The following RPS6KC1 variants were observed in gnomAD, a reference collection of about 807,000 sequenced individuals.
RPS6KC1 encodes the protein ribosomal protein S6 kinase C1.
A neutral mutation model predicts 103.8 loss-of-function variants in RPS6KC1; 54 were observed. The observed-to-expected ratio is 0.52, with a 90% CI of 0.42 to 0.65. The LOEUF (loss-of-function observed/expected upper bound fraction) is 0.65, where lower values mean the gene tolerates loss of function less well. Ranked by LOEUF, RPS6KC1 falls within the 30% of genes least tolerant of loss-of-function variation. The pLI, the probability that RPS6KC1 is intolerant of heterozygous loss-of-function variation, is 0.00. For missense variants in RPS6KC1, 1,151 were observed against 1,253.8 expected, an observed-to-expected ratio of 0.92 and a Z score of 1.24; for synonymous variants, 439 against 438.7, an observed-to-expected ratio of 1.00 and a Z score of -0.01.
intron 2 of RPS6KC1, among the ~76,000 whole-genome samples, chr1:213,073,951 C>T (rs895147579): frequency 6.6e-6 from 1 of 152,056 alleles, no homozygotes; most frequent in Non-Finnish European, 1.5e-5. Flanking sequence ...GCTGTGATTA[C>T]AAGCGTGAGA....
the RPS6KC1 span, among the ~76,000 whole-genome samples, chr1:213,281,856 C>T: frequency 1.3e-5 from 2 of 152,198 alleles, no homozygotes; most frequent in Admixed American, 6.5e-5. Context: ...CTACCTCTCC[C>T]GCCCATTGCA....
At chr1:213,846,128 TAAAAAA>T in the RPS6KC1 span, among the ~76,000 whole-genome samples, 8 of 82,838 alleles carry the variant, frequency 9.7e-5, 1 homozygote, top group East Asian at 2.9e-3. Context: ...CCGTCTCAAC[TAAAAAA>T]AAAAAAAAAA....
chr1:213,569,427 A>G, the RPS6KC1 span, among the ~76,000 whole-genome samples: 1 of 152,250 alleles, frequency 6.6e-6, no homozygotes, highest in Middle Eastern at 3.4e-3. Flanking sequence ...GCCTCTCCTA[A>G]TATTTACTTA....
chr1:213,098,729 A>G (rs2081723056), intron 3 of RPS6KC1, among the ~76,000 whole-genome samples: 1 of 152,206 alleles, frequency 6.6e-6, no homozygotes, highest in African/African-American at 2.4e-5. Context: ...ATCATAGATC[A>G]CTACAACAGA....
the RPS6KC1 span, among the ~76,000 whole-genome samples, chr1:213,415,579 G>A: frequency 1.8e-4 from 28 of 152,212 alleles, no homozygotes; most frequent in Non-Finnish European, 3.8e-4. Flanking sequence ...CCTCAAGGGC[G>A]AAGCGGTAGG....
chr1:213,529,026 A>T, the RPS6KC1 span, among the ~76,000 whole-genome samples: 2 of 152,298 alleles, frequency 1.3e-5, no homozygotes, highest in East Asian at 3.9e-4. Flanking sequence ...AGACATTAGG[A>T]ACGAAACATT....
intron 10 of RPS6KC1, among the ~76,000 whole-genome samples, chr1:213,236,936 GTAAAAA>G (rs2094234209): frequency 6.6e-6 from 1 of 152,118 alleles, no homozygotes; most frequent in South Asian, 2.1e-4. Context: ...AGTCTATAAA[GTAAAAA>G]TAAAAATTAT....
the RPS6KC1 span, among the ~76,000 whole-genome samples, chr1:213,520,138 T>A: frequency 3.9e-4 from 60 of 152,332 alleles, no homozygotes; most frequent in African/African-American, 1.4e-3. Flanking sequence ...ACCCTGCCTC[T>A]GTGTATTAGT....
At chr1:213,410,334 A>T in the RPS6KC1 span, among the ~76,000 whole-genome samples, 1 of 152,060 alleles carries the variant, frequency 6.6e-6, no homozygotes, top group Admixed American at 6.5e-5. Flanking sequence ...CTCAGATGAG[A>T]TGAGGGAAGC....
the RPS6KC1 span, among the ~76,000 whole-genome samples, chr1:213,664,193 G>GGGGGGGT: frequency 1.2e-5 from 1 of 80,334 alleles, no homozygotes; most frequent in African/African-American, 3.7e-5. Context: ...AGAAATGAGC[G>GGGGGGGT]GGGGGGCGGG....
the RPS6KC1 span, among the ~76,000 whole-genome samples, chr1:213,622,072 C>T: frequency 3.3e-5 from 5 of 152,094 alleles, no homozygotes; most frequent in Non-Finnish European, 5.9e-5. Context: ...CTCAGAAAAC[C>T]TGCCCACAGG....
the RPS6KC1 span, among the ~76,000 whole-genome samples, chr1:213,671,555 G>A: frequency 2.0e-5 from 3 of 152,118 alleles, no homozygotes; most frequent in East Asian, 3.9e-4. Flanking sequence ...GATACGAGGC[G>A]GGCATATCAC....
chr1:213,168,929 A>T (rs1473675317), intron 7 of RPS6KC1, among the ~76,000 whole-genome samples: 1 of 152,204 alleles, frequency 6.6e-6, no homozygotes, highest in African/African-American at 2.4e-5. Context: ...AGGCTTGTTC[A>T]TATCCAGCTC....
chr1:213,278,367 T>G (rs1016866967), downstream of RPS6KC1, among the ~76,000 whole-genome samples: 1 of 152,066 alleles, frequency 6.6e-6, no homozygotes, highest in Non-Finnish European at 1.5e-5. Flanking sequence ...TTGCCCTTAT[T>G]ATGTGGGATA....
At chr1:213,573,051 G>A in the RPS6KC1 span, among the ~76,000 whole-genome samples, 471 of 152,222 alleles carry the variant, frequency 3.1e-3, 4 homozygotes, top group African/African-American at 0.011. Context: ...CAAGTCTGGA[G>A]CAGAATAGAT....
the RPS6KC1 span, among the ~76,000 whole-genome samples, chr1:213,412,200 T>C: frequency 6.6e-6 from 1 of 152,216 alleles, no homozygotes; most frequent in Non-Finnish European, 1.5e-5. Flanking sequence ...TGGTGTGGCA[T>C]TCCTATCTAT....
At chr1:213,158,649 A>G (rs991454845) in intron 6 of RPS6KC1, among the ~76,000 whole-genome samples, 1 of 152,236 alleles carries the variant, frequency 6.6e-6, no homozygotes, top group African/African-American at 2.4e-5. Flanking sequence ...GCTTGGACAC[A>G]TAGAGCTACT....
the RPS6KC1 span, among the ~76,000 whole-genome samples, chr1:213,745,386 C>T: frequency 1.4e-5 from 2 of 145,114 alleles, no homozygotes; most frequent in African/African-American, 2.6e-5. Flanking sequence ...AAACGCCTCT[C>T]TGGTTTGCAG....
the RPS6KC1 span, among the ~76,000 whole-genome samples, chr1:213,510,727 T>C: frequency 0.021 from 3,165 of 152,240 alleles, 51 homozygotes; most frequent in Middle Eastern, 0.034. Flanking sequence ...CCTGAATTCG[T>C]AGGAGCCGCA....
Sources: gnomAD v4.1 joint callset for allele counts (sites outside exome capture counted in the v4.1 genomes callset) on GRCh38, gnomAD v4.1.1 for gene constraint, MANE v1.5 for transcripts, NCBI Gene and HGNC (gene_info 2026-07-23, HGNC 2026-07-21) for gene names.